VASH2: variants seen among roughly 807,000 people sequenced by gnomAD.
VASH2 encodes the protein tubulinyl-Tyr carboxypeptidase 2.
Under a neutral mutation model 37.2 loss-of-function variants are expected in VASH2, and 28 were observed. That is an observed-to-expected ratio of 0.75 (90% CI 0.56 to 1.03). The LOEUF (loss-of-function observed/expected upper bound fraction) is 1.03, where lower values mean the gene tolerates loss of function less well. Among genes scored for constraint, VASH2 ranks in the 50% least tolerant of loss-of-function variants. VASH2 has a pLI of 0.00. For synonymous variants in VASH2, 188 were observed against 174.7 expected, an observed-to-expected ratio of 1.08 and a Z score of -0.60; for missense variants, 419 against 459.1, an observed-to-expected ratio of 0.91 and a Z score of 0.80.
Position 212,965,194 on chromosome 1 carries a change from G to C in VASH2, c.366-528G>C, listed in dbSNP as rs568018845. 5.9e-5 allele frequency among the ~76,000 whole-genome samples: 9 copies of C among 152,196 alleles called. No homozygotes were observed. In the East Asian group the frequency reaches 1.5e-3, roughly 26 times the overall value. ...CCTCAGCCTCCCAATGGGGTTACAG[G>C]CATAAGCCACTGCACCTGGCCTTCT... On this transcript the variant is annotated intron_variant, in intron 3 of 7. Transcript: ENST00000517399.
intron 6 of VASH2, among the ~76,000 whole-genome samples, 168 bp downstream of exon 6, chr1:212,973,129 G>C (rs544359318): frequency 7.9e-4 from 121 of 152,276 alleles, no homozygotes; most frequent in South Asian, 1.4e-3. Flanking sequence ...AATCAATTTA[G>C]ATGCGACAGT....
chr1:212,971,438 C>A lies in VASH2; in HGVS notation c.498-1142C>A, dbSNP rs1667008048. Among the ~76,000 whole-genome samples, 1 of 152,218 alleles carries A rather than the reference C, an allele frequency of 6.6e-6. No individual in the cohort carries two copies. Among genetic ancestry groups the A allele is most frequent in the South Asian group, 2.1e-4 (1 of 4,836 alleles). The stretch of plus-strand genomic sequence containing the variant: ...CTCCGGAGAAGGGCTGTGTTCTTAT[C>A]TTTGGCTCCACAGCCCTACCTGGCA... On this transcript the variant is annotated intron_variant, in intron 5 of 7. Transcript: ENST00000517399. This position sits in a 1 kb window ranked among gnomAD's most constrained non-coding sequence, Gnocchi z 4.0.
chr1:212,967,228 C>T (rs903965763), intron 5 of VASH2: 46 of 1,300,360 alleles, frequency 3.5e-5, no homozygotes, highest in Non-Finnish European at 3.8e-5. Context: ...GTGATGGCAT[C>T]GACATATTGG....
chr1:212,981,384 GCTTCC>G (rs1200981077), intron 7 of VASH2, among the ~76,000 whole-genome samples: 1 of 152,220 alleles, frequency 6.6e-6, no homozygotes, highest in East Asian at 1.9e-4. Flanking sequence ...TGTGAATGAA[GCTTCC>G]CTTTCCCTGT....
intron 7 of VASH2, among the ~76,000 whole-genome samples, chr1:212,985,496 T>C (rs900237987): frequency 2.0e-5 from 3 of 151,046 alleles, no homozygotes; most frequent in Non-Finnish European, 4.4e-5. Context: ...CTTGGCTCAC[T>C]GCAACCTCCG....
chr1:212,956,986 C>T (rs1217929704), intron 2 of VASH2, among the ~76,000 whole-genome samples: 1 of 152,192 alleles, frequency 6.6e-6, no homozygotes, highest in Non-Finnish European at 1.5e-5. Flanking sequence ...TTTTCATCTT[C>T]CTAACTGAAA....
At position 212,965,787 on chromosome 1, in the gene VASH2, T is replaced by A. The variant is rs547118448; in HGVS notation, c.422+9T>A. ...ATGAGACCGCTGAGTGGGTAAGTGG[T>A]GCATGATCTATGGGCCAGATGACCT... On this transcript the variant is annotated intron_variant, in intron 4 of 7. Transcript: ENST00000517399. 3 of 1,551,106 alleles carry A rather than the reference T, an allele frequency of 1.9e-6. No homozygotes were observed. In the South Asian group the frequency reaches 3.6e-5, roughly 18 times the overall value.
chr1:212,969,109 G>A (rs1445479064), intron 5 of VASH2: 2 of 985,408 alleles, frequency 2.0e-6, no homozygotes, highest in East Asian at 1.1e-4. Context: ...AGTGCAGGAA[G>A]GTGGAGAGCT....
At chr1:212,966,148 C>T in intron 4 of VASH2, 123 bp from the exon 5 acceptor site, 1 of 826,576 alleles carries the variant, frequency 1.2e-6, no homozygotes, top group South Asian at 1.6e-5. Flanking sequence ...GTGACTTCTC[C>T]CTTTTCCCTC....
chr1:212,968,224 G>T (rs1666908516), intron 5 of VASH2: 1 of 985,424 alleles, frequency 1.0e-6, no homozygotes, highest in South Asian at 4.7e-5. Flanking sequence ...TGATTAGGAG[G>T]TTGTGCTTAC....
At chr1:212,973,115 CTAAAATCAAT>C (rs1363659684) in intron 6 of VASH2, among the ~76,000 whole-genome samples, 154 bp downstream of exon 6, 3 of 152,176 alleles carry the variant, frequency 2.0e-5, no homozygotes, top group African/African-American at 7.2e-5. Flanking sequence ...AGAAAGCCAT[CTAAAATCAAT>C]TTAGATGCGA....
chr1:212,959,988 A>T (rs1183776258), intron 2 of VASH2, among the ~76,000 whole-genome samples: 2 of 152,166 alleles, frequency 1.3e-5, no homozygotes, highest in African/African-American at 4.8e-5. Context: ...ATTCTCTGTC[A>T]CCAAGGACCC....
rs1485083591 is a variant in VASH2 at position 212,961,439 on chromosome 1, C to T, written c.365+185C>T. On this transcript the variant is annotated intron_variant, in intron 3 of 7. Coordinates refer to ENST00000517399, the MANE Select transcript of VASH2 (RefSeq NM_001301056.2). ...TGCGTGGAGGTTGTCATTGCAGTGA[C>T]CCAGTAGGGCAGGCTGGTTCCCCTT... 6.1e-6 allele frequency: 8 copies of T among 1,319,582 alleles called. No homozygotes were observed. The East Asian group carries it at 1.8e-4, about 29-fold the overall frequency. The allele number at this position is 1,319,582 out of a possible 1,614,324, so 81.7% of individuals were successfully genotyped here.
Position 212,961,162 on chromosome 1 carries a change from G to T in VASH2, c.277-4G>T. 6.2e-7 allele frequency: 1 copy of T among 1,613,978 alleles called. No individual in the cohort carries two copies. The highest frequency in any genetic ancestry group is 8.5e-7 in the Non-Finnish European group (1 of 1,179,924). On this transcript the variant is annotated splice_polypyrimidine_tract_variant and splice_region_variant and intron_variant, in intron 2 of 7. Coordinates refer to ENST00000517399, the MANE Select transcript of VASH2 (RefSeq NM_001301056.2). Reference sequence around the variant, plus strand: ...AACACCTCCTCTTCTCTATTTTTCTGCAGCCTTCAATACCCCAGGTCCCAA... The same window carrying T: ...AACACCTCCTCTTCTCTATTTTTCTTCAGCCTTCAATACCCCAGGTCCCAA...
At chr1:212,973,860 G>T in intron 6 of VASH2, 95 bp from the exon 7 acceptor site, 1 of 1,488,418 alleles carries the variant, frequency 6.7e-7, no homozygotes, top group South Asian at 1.4e-5. Flanking sequence ...ATGGCATCAT[G>T]ATTGGGCTGG....
Position 212,989,565 on chromosome 1 carries a change from A to G in VASH2, c.*981A>G, listed in dbSNP as rs575696678. 6.6e-6 allele frequency: 1 copy of G among 152,352 alleles called. No homozygotes were observed. The highest frequency in any genetic ancestry group is 2.1e-4 in the South Asian group (1 of 4,828). 9.4% of individuals were successfully genotyped at this position (152,352 alleles called of 1,614,324 possible). A position where few individuals can be genotyped will look rare whatever the true frequency, so the allele number is the denominator to read the frequency against. On this transcript the variant is annotated 3_prime_UTR_variant, in exon 8 of 8. Coordinates refer to ENST00000517399, the MANE Select transcript of VASH2 (RefSeq NM_001301056.2). ...GCTTTGATTCTTCTGAAGGATGCCA[A>G]GAATCAAACTAAGGGAGGACTCACT...
At chr1:212,968,806 C>A in intron 5 of VASH2, 1 of 985,482 alleles carries the variant, frequency 1.0e-6, no homozygotes, top group Non-Finnish European at 1.2e-6. Context: ...TGGAAGAGAT[C>A]AACGAAGGGG....
At chr1:212,966,873 G>A (rs191879832) in intron 5 of VASH2, 10 of 358,968 alleles carry the variant, frequency 2.8e-5, no homozygotes, top group East Asian at 7.4e-5. Flanking sequence ...GATTACAGGC[G>A]CAGGCCACCA....
intron 2 of VASH2, among the ~76,000 whole-genome samples, chr1:212,955,042 C>G (rs1485049200): frequency 3.3e-5 from 5 of 152,208 alleles, no homozygotes; most frequent in African/African-American, 1.2e-4. Flanking sequence ...TTTCTGTGCT[C>G]AGCATGGCAG....
Sources: gnomAD v4.1 joint callset for allele counts (sites outside exome capture counted in the v4.1 genomes callset) on GRCh38, gnomAD v4.1.1 for gene constraint, Gnocchi (gnomAD v3.1) non-coding constraint, MANE v1.5 for transcripts, NCBI Gene and HGNC (gene_info 2026-07-23, HGNC 2026-07-21) for gene names.